KCNH2: variants seen among roughly 807,000 people sequenced by gnomAD.
KCNH2 encodes the protein potassium voltage-gated channel subfamily H member 2.
In KCNH2, 35 loss-of-function variants were observed where a neutral mutation model predicts 95.9. That is an observed-to-expected ratio of 0.37 (90% confidence interval 0.28 to 0.48). KCNH2 has a LOEUF of 0.48. Among genes scored for constraint, KCNH2 ranks in the 20% least tolerant of loss-of-function variants. The pLI, the probability that KCNH2 is intolerant of heterozygous loss-of-function variation, is 0.99. For synonymous variants in KCNH2, 786 were observed against 754.7 expected (o/e 1.04, Z -0.68); for missense variants, 1,274 against 1,702.9 (o/e 0.75, Z 4.43).
intron 1 of KCNH2, among the ~76,000 whole-genome samples, chr7:150,976,737 C>CT (rs1297278844): frequency 6.6e-6 from 1 of 151,400 alleles, no homozygotes; most frequent in Non-Finnish European, 1.5e-5. Flanking sequence ...AGCACCCCCC[C>CT]CCACATCCAT....
At position 150,945,560 on chromosome 7, in the gene KCNH2, G is replaced by T; in HGVS notation, c.3331-46C>A. 6.5e-7 allele frequency: 1 copy of T among 1,546,122 alleles called. No individual in the cohort carries two copies. The highest frequency in any genetic ancestry group is 1.2e-5 in the South Asian group (1 of 84,070). On this transcript the variant is annotated intron_variant, in intron 14 of 14. Transcript: ENST00000262186. The surrounding 1 kb of genome is among the most constrained non-coding windows in gnomAD (Gnocchi z 5.6). ...GGGCAGGCGAAGAGGCCATGGAGGA[G>T]GAGGAAGGGGAGGGAAAGGGGCAGG...
At chr7:150,974,671 C>A (rs1167399761) in intron 2 of KCNH2, 40 bp downstream of exon 2, 2 of 1,147,444 alleles carry the variant, frequency 1.7e-6, no homozygotes, top group African/African-American at 1.6e-5. Context: ...CCCCTCTTGA[C>A]CCCGCCCCTG....
intron 1 of KCNH2, among the ~76,000 whole-genome samples, chr7:150,975,713 G>A (rs544717423): frequency 6.6e-6 from 1 of 152,370 alleles, no homozygotes; most frequent in South Asian, 2.1e-4. Flanking sequence ...GCTTGTAAAT[G>A]ATAGAGCCAG....
chr7:150,977,765 C>A, intron 1 of KCNH2, 73 bp downstream of exon 1: 1 of 1,260,346 alleles, frequency 7.9e-7, no homozygotes, highest in South Asian at 1.3e-5. Flanking sequence ...CGGGCACGCC[C>A]CCCCATCCAC....
chr7:150,976,619 G>A (rs1015525722), intron 1 of KCNH2, among the ~76,000 whole-genome samples: 39 of 152,250 alleles, frequency 2.6e-4, no homozygotes, highest in African/African-American at 8.9e-4. Flanking sequence ...ATACAGGGAT[G>A]GGACAGAAAG....
intron 2 of KCNH2, among the ~76,000 whole-genome samples, chr7:150,965,271 C>T (rs1222002404): frequency 1.3e-5 from 2 of 152,058 alleles, no homozygotes; most frequent in Non-Finnish European, 2.9e-5. Context: ...TCTTGGGGGC[C>T]GCTGTAGTCA....
chr7:150,953,587 G>C (rs1801265032), intron 5 of KCNH2, among the ~76,000 whole-genome samples: 1 of 152,178 alleles, frequency 6.6e-6, no homozygotes, highest in Admixed American at 6.5e-5. Flanking sequence ...CCCTGTACCA[G>C]CTCACACTCA....
At chr7:150,948,751 G>T in intron 10 of KCNH2, 105 bp downstream of exon 10, 1 of 1,197,706 alleles carries the variant, frequency 8.3e-7, no homozygotes, top group Non-Finnish European at 1.2e-6. Context: ...TTGACAGACA[G>T]GGAAACTGAG....
chr7:150,977,640 C>T (rs1802008445), intron 1 of KCNH2, among the ~76,000 whole-genome samples, 198 bp downstream of exon 1: 1 of 148,532 alleles, frequency 6.7e-6, no homozygotes, highest in Admixed American at 6.7e-5. Flanking sequence ...CAACCCCAAA[C>T]CCTTTGGCCC....
At chr7:150,948,604 C>G in intron 10 of KCNH2, 61 bp from the exon 11 acceptor site, 1 of 1,429,506 alleles carries the variant, frequency 7.0e-7, no homozygotes, top group Non-Finnish European at 9.9e-7. Flanking sequence ...GGGGTCAGGC[C>G]CCAAGCTCCC....
chr7:150,970,248 A>T (rs1000754776), intron 2 of KCNH2, among the ~76,000 whole-genome samples: 7 of 148,506 alleles, frequency 4.7e-5, no homozygotes, highest in African/African-American at 2.5e-5. Context: ...GGGAGAAAAG[A>T]GGCCCAGTCT....
At position 150,977,866 on chromosome 7, in the gene KCNH2, G is replaced by T. The variant is rs746628164; in HGVS notation, c.48C>A (p.Asp16Glu). Residue 16 changes from aspartate to glutamate, a missense_variant, in exon 1 of 15, where the codon GAC becomes GAA. Asp to Glu is a conservative substitution (Grantham distance 45). Coordinates refer to ENST00000262186, the MANE Select transcript of KCNH2 (RefSeq NM_000238.4). ...GGCCCTCAAACTTGCGGATGATGGT[G>T]TCCAGGAAGGTGTTCTGCGGCGCGA... ...GHVAPQNTFL[D>E]TIIRKFEGQS... 2.5e-6 allele frequency: 4 copies of T among 1,605,262 alleles called. No homozygotes were observed. The highest frequency in any genetic ancestry group is 3.4e-6 in the Non-Finnish European group (4 of 1,177,388).
intron 2 of KCNH2, among the ~76,000 whole-genome samples, chr7:150,973,530 C>T (rs993502369): frequency 1.3e-5 from 2 of 152,228 alleles, no homozygotes; most frequent in African/African-American, 4.8e-5. Context: ...TCTCACAGCC[C>T]CTGCCTCCTG....
chr7:150,951,527 G>A lies in KCNH2; in HGVS notation c.1866C>T (p.Leu622=). 6.2e-7 allele frequency: 1 copy of A among 1,614,114 alleles called. No homozygotes were observed. The highest frequency in any genetic ancestry group is 8.5e-7 in the Non-Finnish European group (1 of 1,179,996). ...AGACGTTGCCGAAGCCCACACTGGT[G>A]AGGCTGCTGAAGGTGAAGTAGAGCG... The part of the protein sequence containing the change: ...VTALYFTFSS[L]TSVGFGNVSP... The change falls in exon 7 of 15, where the codon CTC becomes CTT. Residue 622 remains leucine (L), a synonymous_variant. Transcript: ENST00000262186.
intron 13 of KCNH2, 77 bp downstream of exon 13, chr7:150,947,251 C>T: frequency 7.7e-7 from 1 of 1,299,908 alleles, no homozygotes; most frequent in South Asian, 1.4e-5. Flanking sequence ...CAGGCCCTCT[C>T]CCTCTACCAG....
chr7:150,964,582 C>T (rs1383715815), intron 2 of KCNH2, among the ~76,000 whole-genome samples: 1 of 152,250 alleles, frequency 6.6e-6, no homozygotes, highest in Non-Finnish European at 1.5e-5. Flanking sequence ...CACTGGGTGC[C>T]AGATGAGATG....
intron 3 of KCNH2, among the ~76,000 whole-genome samples, 155 bp from the exon 4 acceptor site, chr7:150,958,657 C>G (rs908719688): frequency 6.6e-6 from 1 of 152,222 alleles, no homozygotes; most frequent in Non-Finnish European, 1.5e-5. Flanking sequence ...GACCTCGAGT[C>G]TCAAAAATCA....
rs975623397 is a variant in KCNH2 at position 150,946,507 on chromosome 7, G to C, written c.3330+370C>G. Among the ~76,000 whole-genome samples, 6 of 152,220 alleles carry C rather than the reference G, an allele frequency of 3.9e-5. No individual in the cohort carries two copies. Among genetic ancestry groups the C allele is most frequent in the African/African-American group, 1.4e-4 (6 of 41,462 alleles). ...CCTCCACCGCCACGTCTCGGGCTCA[G>C]TCAGTTCTTGGAGACCACCCGTGGC... On this transcript the variant is annotated intron_variant, in intron 14 of 14. Transcript: ENST00000262186. This position sits in a 1 kb window ranked among gnomAD's most constrained non-coding sequence, Gnocchi z 6.5.
In KCNH2 at chr7:150,951,430, G is replaced by A. The variant is rs778276270; in HGVS notation, c.1945+18C>T. ...CCACCGTGGGCTCTCCCCGCCGCCC[G>A]CCCCTGGGCACACTCACAGCCAATG... On this transcript the variant is annotated intron_variant, in intron 7 of 14. Coordinates refer to ENST00000262186, the MANE Select transcript of KCNH2 (RefSeq NM_000238.4). The A allele has an allele frequency of 2.0e-5, 32 of 1,613,298 alleles. No individual in the cohort carries two copies. The highest frequency in any genetic ancestry group is 1.7e-4 in the Middle Eastern group (1 of 5,858).
Sources: gnomAD v4.1 joint callset for allele counts (sites outside exome capture counted in the v4.1 genomes callset) on GRCh38, gnomAD v4.1.1 for gene constraint, Gnocchi (gnomAD v3.1) non-coding constraint, MANE v1.5 for transcripts, NCBI Gene and HGNC (gene_info 2026-07-23, HGNC 2026-07-21) for gene names.